STX8: variants seen among roughly 807,000 people sequenced by gnomAD.
STX8 encodes syntaxin 8.
A neutral mutation model predicts 37.5 loss-of-function variants in STX8; 23 were observed. That is an observed-to-expected ratio of 0.61 (90% CI 0.44 to 0.87). The LOEUF is 0.87. Among genes scored for constraint, STX8 ranks in the 40% least tolerant of loss-of-function variants. The pLI, the probability that STX8 is intolerant of heterozygous loss-of-function variation, is 0.00. For missense variants in STX8, 313 were observed against 284.7 expected (o/e 1.10, Z -0.71); for synonymous variants, 115 against 99.1 (o/e 1.16, Z -0.95).
intron 7 of STX8, among the ~76,000 whole-genome samples, chr17:9,325,389 C>G (rs1237482712): frequency 1.3e-5 from 2 of 152,080 alleles, no homozygotes; most frequent in East Asian, 3.8e-4. Flanking sequence ...GAATGAAACC[C>G]TATCTATATC....
intron 7 of STX8, among the ~76,000 whole-genome samples, chr17:9,349,683 T>C (rs1338874729): frequency 1.3e-5 from 2 of 152,058 alleles, no homozygotes; most frequent in Non-Finnish European, 2.9e-5. Flanking sequence ...AATAATAAAA[T>C]AGAACAATTA....
chr17:9,518,639 C>T (rs868359007), intron 4 of STX8, among the ~76,000 whole-genome samples: 6 of 152,150 alleles, frequency 3.9e-5, no homozygotes, highest in South Asian at 2.1e-4. Flanking sequence ...GAGGCCGAGG[C>T]GGGTAGATCA....
chr17:9,316,423 A>C (rs1909383848), intron 7 of STX8, among the ~76,000 whole-genome samples: 1 of 152,026 alleles, frequency 6.6e-6, no homozygotes, highest in Admixed American at 6.6e-5. Context: ...CGGGAAGAGG[A>C]GAGCAGCTGA....
At chr17:9,343,033 A>AG (rs1393113492) in intron 7 of STX8, among the ~76,000 whole-genome samples, 10,261 of 146,886 alleles carry the variant, frequency 0.07, 1,043 homozygotes, top group African/African-American at 0.22. Context: ...AAAAAAAAAA[A>AG]AAAAAAAAAA....
chr17:9,275,257 G>A (rs1907631321), intron 7 of STX8, among the ~76,000 whole-genome samples: 1 of 152,086 alleles, frequency 6.6e-6, no homozygotes, highest in African/African-American at 2.4e-5. Flanking sequence ...TTCACTCCAA[G>A]CGTCCATGGG....
intron 5 of STX8, among the ~76,000 whole-genome samples, chr17:9,504,568 T>G (rs892297590): frequency 1.3e-5 from 2 of 148,220 alleles, no homozygotes; most frequent in African/African-American, 2.5e-5. Context: ...CCGAGATGAG[T>G]GACAGCAACT....
chr17:9,547,237 ACT>A (rs1260894675), intron 3 of STX8: 1 of 115,690 alleles, frequency 8.6e-6, no homozygotes, highest in Non-Finnish European at 1.8e-5. Context: ...AAAGAGCGAG[ACT>A]CTGTCTCAAA....
intron 7 of STX8, among the ~76,000 whole-genome samples, chr17:9,253,207 G>GGGGTGTGTGTGTGTGTGT (rs750265739): frequency 7.1e-6 from 1 of 140,940 alleles, no homozygotes; most frequent in African/African-American, 2.7e-5. Context: ...CAGGGGTAGG[G>GGGGTGTGTGTGTGTGTGT]GTGTGTGTGT....
chr17:9,540,253 T>G (rs1236661368), intron 4 of STX8, among the ~76,000 whole-genome samples: 1 of 152,230 alleles, frequency 6.6e-6, no homozygotes, highest in Non-Finnish European at 1.5e-5. Flanking sequence ...CATGGTGCCA[T>G]CTTCCCTGAC....
intron 4 of STX8, among the ~76,000 whole-genome samples, chr17:9,540,508 G>A (rs1382368958): frequency 6.6e-6 from 1 of 152,122 alleles, no homozygotes; most frequent in Non-Finnish European, 1.5e-5. Flanking sequence ...GGAAGTGAAT[G>A]AGAAATTCAC....
intron 7 of STX8, among the ~76,000 whole-genome samples, chr17:9,315,254 T>C (rs922179888): frequency 2.0e-5 from 3 of 150,542 alleles, no homozygotes; most frequent in African/African-American, 7.4e-5. Context: ...CTAACCACCA[T>C]AAGGCTTTCT....
intron 1 of STX8, among the ~76,000 whole-genome samples, chr17:9,568,977 C>A (rs1223603793): frequency 1.3e-5 from 2 of 152,178 alleles, no homozygotes; most frequent in East Asian, 1.9e-4. Flanking sequence ...CTCACTTAAT[C>A]AAAACAGGAA....
At chr17:9,359,357 C>T (rs546804174) in intron 7 of STX8, among the ~76,000 whole-genome samples, 1 of 152,156 alleles carries the variant, frequency 6.6e-6, no homozygotes, top group Admixed American at 6.5e-5. Flanking sequence ...GAAGTTATCA[C>T]CTTCAAGATA....
chr17:9,275,650 A>ACC (rs1300566433), intron 7 of STX8, among the ~76,000 whole-genome samples: 183 of 151,862 alleles, frequency 1.2e-3, no homozygotes, highest in African/African-American at 4.2e-3. Flanking sequence ...TGGGTGGATC[A>ACC]TGAGGTCAAG....
At chr17:9,511,818 T>C (rs1035124184) in intron 4 of STX8, among the ~76,000 whole-genome samples, 1 of 152,062 alleles carries the variant, frequency 6.6e-6, no homozygotes, top group Admixed American at 6.5e-5. Flanking sequence ...GCAGAAAACA[T>C]GATCTTATAG....
chr17:9,452,260 TC>T (rs1905065838), intron 6 of STX8: 1 of 151,960 alleles, frequency 6.6e-6, no homozygotes, highest in Non-Finnish European at 1.5e-5. Flanking sequence ...AGCTTTATTT[TC>T]CCTGCTTTCA....
chr17:9,310,497 A>G (rs968845908), intron 7 of STX8, among the ~76,000 whole-genome samples: 2 of 152,112 alleles, frequency 1.3e-5, no homozygotes, highest in Non-Finnish European at 2.9e-5. Context: ...CTGCTTTGTG[A>G]GGTACAATGT....
chr17:9,256,419 T>G lies in STX8; in HGVS notation c.644-5774A>C, dbSNP rs561738506. 7.2e-5 allele frequency among the ~76,000 whole-genome samples: 11 copies of G among 152,252 alleles called. No individual in the cohort carries two copies. The South Asian group carries it at 2.3e-3, about 32-fold the overall frequency. ...CCCTCCCTCCTTCCCTTCCTTAACG[T>G]TTTATGATGGAAAATTTTAAACATA... On this transcript the variant is annotated intron_variant, in intron 7 of 7. Transcript: ENST00000306357.
intron 3 of STX8, among the ~76,000 whole-genome samples, chr17:9,552,278 G>T (rs966895838): frequency 6.6e-6 from 1 of 152,196 alleles, no homozygotes; most frequent in East Asian, 1.9e-4. Flanking sequence ...GGAATTTGAG[G>T]CTGCACTGAG....
Sources: gnomAD v4.1 joint callset for allele counts (sites outside exome capture counted in the v4.1 genomes callset) on GRCh38, gnomAD v4.1.1 for gene constraint, MANE v1.5 for transcripts, NCBI Gene and HGNC (gene_info 2026-07-23, HGNC 2026-07-21) for gene names.